MYH9: variants seen among roughly 807,000 people sequenced by gnomAD.
MYH9 encodes the protein myosin heavy chain 9.
MYH9 carries 29 observed loss-of-function variants against 241.9 expected under a neutral mutation model. The ratio of observed to expected loss-of-function variants is 0.12; its 90% CI spans 0.09 to 0.16. The LOEUF (loss-of-function observed/expected upper bound fraction) is 0.16, where lower values mean the gene tolerates loss of function less well. MYH9 is among the 10% of genes least tolerant of loss of function. The probability of loss-of-function intolerance (pLI) is 1.00; values close to 1 mark genes in which losing one functional copy is unlikely to be tolerated. For synonymous variants in MYH9, 1,047 were observed against 1,062.6 expected (o/e 0.99, Z 0.29); for missense variants, 1,803 against 2,595.5 (o/e 0.69, Z 6.63).
chr22:36,346,478 C>G (rs922862819), intron 2 of MYH9, among the ~76,000 whole-genome samples: 1 of 152,222 alleles, frequency 6.6e-6, no homozygotes, highest in African/African-American at 2.4e-5. Context: ...CCTTTCAGAG[C>G]TGCTGTCTCT....
chr22:36,282,741 T>C lies in MYH9; in HGVS notation c.5810A>G (p.Lys1937Arg), dbSNP rs1324361146. Reference protein sequence around the residue: ...PFVVPRRMARKGAGDGSDEEV... With the variant: ...PFVVPRRMARRGAGDGSDEEV... ...TTCGTCGGAGCCATCCCCGGCGCCT[T>C]TCCGGGCCATTCGGCGGGGCACGAC... The change falls in exon 41 of 41, where the codon AAA (lysine) becomes AGA (arginine). Residue 1937 changes from lysine to arginine, a missense_variant. This residue lies in a region of MYH9 where 876 missense variants were observed against 1,077.8 expected (regional missense o/e 0.81). Transcript: ENST00000216181. 1 of 1,613,616 alleles carries C rather than the reference T, an allele frequency of 6.2e-7. No homozygotes were observed. The highest frequency in any genetic ancestry group is 1.7e-5 in the Admixed American group (1 of 60,026).
intron 14 of MYH9, among the ~76,000 whole-genome samples, chr22:36,311,564 C>T (rs748183203): frequency 3.3e-5 from 5 of 152,168 alleles, no homozygotes; most frequent in Non-Finnish European, 5.9e-5. Context: ...AGCCCTGCCC[C>T]GGAGCACTGA....
In MYH9 at chr22:36,321,719, C is replaced by A. The variant is rs200652090; in HGVS notation, c.769+39G>T. On this transcript the variant is annotated intron_variant, in intron 7 of 40. Coordinates refer to ENST00000216181, the MANE Select transcript of MYH9 (RefSeq NM_002473.6). ...CTCTACAGAGGTCATGCCTCCCCTC[C>A]GGATCCAGGACTCTTATCCCAACGA... 58 of 1,588,400 alleles carry A rather than the reference C, an allele frequency of 3.7e-5. No homozygotes were observed. In the African/African-American group the frequency reaches 6.4e-4, roughly 18 times the overall value.
At chr22:36,296,817 C>G in intron 25 of MYH9, 26 bp downstream of exon 25, 1 of 1,590,456 alleles carries the variant, frequency 6.3e-7, no homozygotes, top group Non-Finnish European at 8.6e-7. Context: ...GCCACCTGGC[C>G]TCAGGCGGGC....
chr22:36,340,825 C>T (rs1005011572), intron 3 of MYH9, among the ~76,000 whole-genome samples: 5 of 151,892 alleles, frequency 3.3e-5, no homozygotes, highest in East Asian at 1.9e-4. Context: ...ACAGCCAGGG[C>T]GAGGGGAGTG....
At chr22:36,314,356 C>T in intron 12 of MYH9, 38 bp from the exon 13 acceptor site, 1 of 1,612,168 alleles carries the variant, frequency 6.2e-7, no homozygotes, top group Non-Finnish European at 8.5e-7. Flanking sequence ...AGACGCCAAC[C>T]CTGCACTAAA....
intron 1 of MYH9, among the ~76,000 whole-genome samples, chr22:36,382,250 G>C (rs571752672): frequency 6.6e-6 from 1 of 152,126 alleles, no homozygotes; most frequent in African/African-American, 2.4e-5. Flanking sequence ...CAAGGCGGGC[G>C]GATCACCTGA....
chr22:36,324,663 G>C (rs780325756), intron 5 of MYH9, among the ~76,000 whole-genome samples: 1 of 152,240 alleles, frequency 6.6e-6, no homozygotes, highest in Non-Finnish European at 1.5e-5. Flanking sequence ...TCTGTGCTCC[G>C]GCAGCCTGTG....
rs769044774 is a variant in MYH9, at chr22:36,284,457, A to G, written c.5538T>C (p.Asp1846=). ...GCTCGTCATCCACCTGCAGCAGCACATCCTTCAGCTTCTTCTCGGTCCGAC... is the reference window on the plus strand; with the variant it reads ...GCTCGTCATCCACCTGCAGCAGCACGTCCTTCAGCTTCTTCTCGGTCCGAC... The part of the protein sequence containing the change: ...QVRRTEKKLK[D]VLLQVDDERR... The change falls in exon 39 of 41, where the codon GAT becomes GAC. Residue 1846 remains aspartate (D), a synonymous_variant. Transcript: ENST00000216181. 1.2e-6 allele frequency: 2 copies of G among 1,613,192 alleles called. No homozygotes were observed. The highest frequency in any genetic ancestry group is 2.2e-5 in the South Asian group (2 of 91,040).
At chr22:36,303,028 C>G (rs1042787221) in intron 19 of MYH9, among the ~76,000 whole-genome samples, 1 of 152,180 alleles carries the variant, frequency 6.6e-6, no homozygotes, top group Admixed American at 6.5e-5. Flanking sequence ...CTGGGTGACT[C>G]TGGACTTCAG....
At chr22:36,354,956 AACACACACACACACACACACAC>A (rs136203) in intron 1 of MYH9, among the ~76,000 whole-genome samples, 5 of 123,712 alleles carry the variant, frequency 4.0e-5, no homozygotes, top group African/African-American at 1.2e-4. Context: ...CAAAAAACAA[AACACACACACACACACACACAC>A]ACACACACAC....
At chr22:36,310,610 T>C (rs986660655) in intron 14 of MYH9, among the ~76,000 whole-genome samples, 1 of 152,236 alleles carries the variant, frequency 6.6e-6, no homozygotes, top group Non-Finnish European at 1.5e-5. Context: ...CGAATGCATG[T>C]TGCTGTTTAT....
At chr22:36,317,137 G>C (rs1190888352) in intron 11 of MYH9, among the ~76,000 whole-genome samples, 1 of 103,006 alleles carries the variant, frequency 9.7e-6, no homozygotes, top group Non-Finnish European at 2.2e-5. Flanking sequence ...TGGGCAGAGG[G>C]GCAGGGGGAG....
At chr22:36,366,748 G>C (rs1447104502) in intron 1 of MYH9, among the ~76,000 whole-genome samples, 4 of 152,132 alleles carry the variant, frequency 2.6e-5, no homozygotes, top group Admixed American at 6.5e-5. Context: ...GAGATACCCA[G>C]AAGTGACGGT....
intron 24 of MYH9, chr22:36,297,344 A>G (rs1235947034): frequency 3.1e-6 from 1 of 320,570 alleles, no homozygotes; most frequent in African/African-American, 2.2e-5. Flanking sequence ...ATTGTGTGTG[A>G]ATCTGAACTT....
intron 1 of MYH9, among the ~76,000 whole-genome samples, chr22:36,381,630 T>C (rs531555079): frequency 2.4e-4 from 36 of 152,228 alleles, no homozygotes; most frequent in African/African-American, 8.2e-4. Context: ...AAATACTGCA[T>C]GCACAGAGCA....
At chr22:36,308,447 T>A (rs545845858) in intron 15 of MYH9, among the ~76,000 whole-genome samples, 18 of 151,184 alleles carry the variant, frequency 1.2e-4, no homozygotes, top group African/African-American at 4.4e-4. Context: ...TTTTTTTTAA[T>A]TTTTTTGTAG....
intron 3 of MYH9, among the ~76,000 whole-genome samples, chr22:36,340,929 AG>A (rs1309785981): frequency 6.6e-6 from 1 of 152,082 alleles, no homozygotes; most frequent in South Asian, 2.1e-4. Context: ...CCAGAGTGAC[AG>A]GGGGGCAGAA....
chr22:36,369,895 C>T (rs117419275), intron 1 of MYH9, among the ~76,000 whole-genome samples: 1 of 152,146 alleles, frequency 6.6e-6, no homozygotes, highest in Non-Finnish European at 1.5e-5. Flanking sequence ...ACATTCCCAG[C>T]TACAAAATAG....
Sources: gnomAD v4.1 joint callset for allele counts (sites outside exome capture counted in the v4.1 genomes callset) on GRCh38, gnomAD v4.1.1 for gene constraint, gnomAD v4.1.1 regional missense constraint, MANE v1.5 for transcripts, NCBI Gene and HGNC (gene_info 2026-07-23, HGNC 2026-07-21) for gene names.